REL: variants seen among roughly 807,000 people sequenced by gnomAD.
REL encodes the protein proto-oncogene c-Rel.
REL carries 15 observed loss-of-function variants against 45.9 expected under a neutral mutation model. That is an observed-to-expected ratio of 0.33 (90% CI 0.22 to 0.50). The LOEUF is 0.50. REL is among the 20% of genes least tolerant of loss of function. The pLI is 0.98. For missense variants in REL, 601 were observed against 715.2 expected (o/e 0.84, Z 1.82); for synonymous variants, 239 against 242.1 (o/e 0.99, Z 0.12).
At position 60,906,881 on chromosome 2, in the gene REL, A is replaced by ATG. The variant is rs1314554009; in HGVS notation, c.394+5810_394+5811dup. The stretch of plus-strand genomic sequence containing the variant: ...TATGTGTGTGTGTGTGCGTGTGTGT[A>ATG]TGTGTGTGTGTGTATATATATATAT... On this transcript the variant is annotated intron_variant, in intron 4 of 9. Coordinates refer to ENST00000394479, the MANE Select transcript of REL (RefSeq NM_001291746.2). 3.7e-3 allele frequency among the ~76,000 whole-genome samples: 455 copies of ATG among 124,130 alleles called. 1 individual carries two copies. Among genetic ancestry groups the ATG allele is most frequent in the African/African-American group, 8.2e-3 (270 of 32,746 alleles). 81.4% of individuals were successfully genotyped at this position (124,130 alleles called of 152,430 possible).
chr2:60,891,244 G>A (rs917334722), intron 1 of REL, among the ~76,000 whole-genome samples: 1 of 152,138 alleles, frequency 6.6e-6, no homozygotes, highest in African/African-American at 2.4e-5. Context: ...TGAATATGAT[G>A]TAAAATCAAG....
chr2:60,909,763 TG>T (rs952108881), intron 4 of REL, among the ~76,000 whole-genome samples: 17 of 152,240 alleles, frequency 1.1e-4, no homozygotes, highest in African/African-American at 3.9e-4. Flanking sequence ...TAGCTGGGCA[TG>T]GTGGCGTGCA....
intron 3 of REL, among the ~76,000 whole-genome samples, chr2:60,897,651 T>C (rs887901038): frequency 3.9e-5 from 6 of 152,098 alleles, no homozygotes; most frequent in African/African-American, 1.4e-4. Context: ...ATCAGCTTTT[T>C]CCAGAGATTC....
intron 4 of REL, among the ~76,000 whole-genome samples, chr2:60,914,376 G>C (rs1338497821): frequency 6.6e-6 from 1 of 152,216 alleles, no homozygotes; most frequent in Non-Finnish European, 1.5e-5. Flanking sequence ...CACACATTGA[G>C]AAGATTCAAA....
chr2:60,911,050 G>T (rs140678958), intron 4 of REL, among the ~76,000 whole-genome samples: 107 of 152,244 alleles, frequency 7.0e-4, no homozygotes, highest in Admixed American at 1.7e-3. Context: ...TCCTAAATAA[G>T]AGAAATATCA....
intron 3 of REL, chr2:60,900,614 C>A (rs1445288225): frequency 1.1e-5 from 2 of 176,706 alleles, no homozygotes; most frequent in African/African-American, 4.8e-5. Flanking sequence ...ACCTCTGCCT[C>A]CCAGGCTCAA....
intron 4 of REL, 71 bp downstream of exon 4, chr2:60,901,154 T>C: frequency 2.0e-6 from 2 of 992,472 alleles, no homozygotes; most frequent in Non-Finnish European, 2.5e-6. Context: ...CTTTCTCTTT[T>C]TTTTTTTTTT....
At chr2:60,915,799 C>G (rs1374980632) in intron 4 of REL, among the ~76,000 whole-genome samples, 1 of 152,120 alleles carries the variant, frequency 6.6e-6, no homozygotes, top group Non-Finnish European at 1.5e-5. Flanking sequence ...ATTTAACAAA[C>G]TATTATACTA....
Position 60,929,081 on chromosome 2 carries a change from G to C in REL, c.*6546G>C, listed in dbSNP as rs1159854890. 1.2e-4 allele frequency: 17 copies of C among 141,458 alleles called. No individual in the cohort carries two copies. Among genetic ancestry groups the C allele is most frequent in the Admixed American group, 8.3e-4 (12 of 14,414 alleles). The allele number at this position is 141,458 out of a possible 1,614,324, so 8.8% of individuals were successfully genotyped here. On this transcript the variant is annotated 3_prime_UTR_variant, in exon 10 of 10. Transcript: ENST00000394479. The stretch of plus-strand genomic sequence containing the variant: ...AAACACATGAAAAAATGCTCATCAT[G>C]ACTGGCCATCAGAGAAATGCAAATC...
intron 3 of REL, chr2:60,898,842 A>G (rs1410612650): frequency 6.6e-6 from 1 of 152,248 alleles, no homozygotes; most frequent in Non-Finnish European, 1.5e-5. Flanking sequence ...TTCTTGAGGA[A>G]AGGGATTGTA....
rs998343466 is a variant in REL at position 60,922,704 on chromosome 2, T to C, written c.*169T>C. ...AAAAACTTTTTTCAGGGAAGAAGCA[T>C]ACAACTTTGGACATAGCGAATACAA... On this transcript the variant is annotated 3_prime_UTR_variant, in exon 10 of 10. Transcript: ENST00000394479. 42 of 1,277,850 alleles carry C rather than the reference T, an allele frequency of 3.3e-5. No homozygotes were observed. Among genetic ancestry groups the C allele is most frequent in the Middle Eastern group, 3.1e-4 (1 of 3,240 alleles). 79.2% of individuals were successfully genotyped at this position (1,277,850 alleles called of 1,614,324 possible). A position where few individuals can be genotyped will look rare whatever the true frequency, so the allele number is the denominator to read the frequency against.
At chr2:60,901,894 A>T (rs954693270) in intron 4 of REL, among the ~76,000 whole-genome samples, 1 of 152,182 alleles carries the variant, frequency 6.6e-6, no homozygotes, top group Non-Finnish European at 1.5e-5. Context: ...TTTATTGGGG[A>T]TAGCATTTAT....
At chr2:60,894,277 T>C in intron 2 of REL, 120 bp from the exon 3 acceptor site, 1 of 573,258 alleles carries the variant, frequency 1.7e-6, no homozygotes, top group East Asian at 3.3e-5. Context: ...GTTCGTCAGC[T>C]GGATTTTATT....
intron 1 of REL, among the ~76,000 whole-genome samples, chr2:60,890,046 C>T (rs574759638): frequency 2.0e-5 from 3 of 152,334 alleles, no homozygotes; most frequent in Admixed American, 2.0e-4. Context: ...AATGGTTGAA[C>T]TAGCTTACAG....
chr2:60,882,402 C>T (rs1161480452), intron 1 of REL, among the ~76,000 whole-genome samples: 2 of 152,042 alleles, frequency 1.3e-5, no homozygotes, highest in African/African-American at 2.4e-5. Flanking sequence ...AGGCCGGGCG[C>T]GGTGGCTCAT....
chr2:60,917,529 G>GT (rs1558816704), intron 5 of REL, among the ~76,000 whole-genome samples: 39 of 115,478 alleles, frequency 3.4e-4, no homozygotes, highest in Non-Finnish European at 7.0e-4. Context: ...TTTTTTTATT[G>GT]GTTTTTTTTT....
At chr2:60,919,375 T>C (rs1258858712) in intron 7 of REL, among the ~76,000 whole-genome samples, 2 of 151,440 alleles carry the variant, frequency 1.3e-5, no homozygotes, top group African/African-American at 2.4e-5. Context: ...CCTGGGACTA[T>C]AGGTGCGCAC....
chr2:60,920,432 A>G lies in REL; in HGVS notation c.923-142A>G, dbSNP rs61748091. 2,010 of 698,382 alleles carry G rather than the reference A, an allele frequency of 2.9e-3. 6 individuals carry two copies. Among genetic ancestry groups the G allele is most frequent in the Non-Finnish European group, 4.4e-3 (1,681 of 384,786 alleles). The allele number at this position is 698,382 out of a possible 1,614,324, so 43.3% of individuals were successfully genotyped here. On this transcript the variant is annotated intron_variant, in intron 8 of 9. Transcript: ENST00000394479. Reference sequence around the variant, plus strand: ...ACCAGGATGGTCTTGAACTCCTGACATCAGGTGATCCACCCACCTTGGCCT... The same window carrying G: ...ACCAGGATGGTCTTGAACTCCTGACGTCAGGTGATCCACCCACCTTGGCCT...
In REL at chr2:60,930,755, A is replaced by G. The variant is rs917004832; in HGVS notation, c.*8220A>G. On this transcript the variant is annotated 3_prime_UTR_variant, in exon 10 of 10. Transcript: ENST00000394479. ...CTTTAGGAAAATACCACCAGCTAGT[A>G]CTTACCTATTTAAAGATGTAGAATT... The G allele has an allele frequency of 7.9e-5, 12 of 152,350 alleles. No individual in the cohort carries two copies. The highest frequency in any genetic ancestry group is 1.6e-4 in the Non-Finnish European group (11 of 68,026). The allele number at this position is 152,350 out of a possible 1,614,324, so 9.4% of individuals were successfully genotyped here.
Sources: gnomAD v4.1 joint callset for allele counts (sites outside exome capture counted in the v4.1 genomes callset) on GRCh38, gnomAD v4.1.1 for gene constraint, MANE v1.5 for transcripts, NCBI Gene and HGNC (gene_info 2026-07-23, HGNC 2026-07-21) for gene names.